UST: variants seen among roughly 807,000 people sequenced by gnomAD.
The protein encoded by UST is uronyl 2-sulfotransferase.
UST carries 21 observed loss-of-function variants against 45.6 expected under a neutral mutation model. The ratio of observed to expected loss-of-function variants is 0.46; its 90% CI spans 0.33 to 0.66. UST has a LOEUF of 0.66. Among genes scored for constraint, UST ranks in the 30% least tolerant of loss-of-function variants. The pLI is 0.02. For missense variants in UST, 463 were observed against 512.4 expected (o/e 0.90, Z 0.93); for synonymous variants, 215 against 200.6 (o/e 1.07, Z -0.61).
At chr6:148,802,566 C>T (rs1777073709) in intron 1 of UST, among the ~76,000 whole-genome samples, 1 of 152,176 alleles carries the variant, frequency 6.6e-6, no homozygotes. Context: ...ACATTGATTT[C>T]ATTTTCTCTC....
chr6:148,780,172 G>T (rs1776617314), intron 1 of UST, among the ~76,000 whole-genome samples: 2 of 151,558 alleles, frequency 1.3e-5, no homozygotes, highest in South Asian at 2.1e-4. Context: ...TTGTTTTATT[G>T]TGGTTCACTG....
intron 1 of UST, among the ~76,000 whole-genome samples, chr6:148,777,495 T>C (rs1390106846): frequency 6.6e-6 from 1 of 152,222 alleles, no homozygotes; most frequent in African/African-American, 2.4e-5. Context: ...CTTATTCTGA[T>C]GGTGGTCTCA....
chr6:148,909,008 A>G (rs1354533944), intron 2 of UST, among the ~76,000 whole-genome samples: 1 of 152,222 alleles, frequency 6.6e-6, no homozygotes, highest in African/African-American at 2.4e-5. Context: ...TTGTATGACC[A>G]TTGAATGCTT....
intron 1 of UST, among the ~76,000 whole-genome samples, chr6:148,832,631 T>C (rs771007963): frequency 1.4e-4 from 21 of 152,202 alleles, no homozygotes; most frequent in Non-Finnish European, 2.2e-4. Flanking sequence ...GATTTAGTTG[T>C]TTGGAGGAGC....
chr6:149,073,682 T>G (rs1341660899), intron 7 of UST, 151 bp from the exon 8 acceptor site: 2 of 875,994 alleles, frequency 2.3e-6, no homozygotes, highest in South Asian at 3.8e-5. Context: ...TTTCCAAATA[T>G]TGTCAGGAAC....
chr6:148,924,084 T>C (rs1779767500), intron 2 of UST, among the ~76,000 whole-genome samples: 1 of 152,172 alleles, frequency 6.6e-6, no homozygotes, highest in African/African-American at 2.4e-5. Context: ...TTATGTCTTA[T>C]CCTAAGGGAC....
intron 4 of UST, among the ~76,000 whole-genome samples, chr6:148,954,790 T>C (rs1780450440): frequency 2.6e-5 from 4 of 152,274 alleles, no homozygotes; most frequent in Admixed American, 2.6e-4. Flanking sequence ...TTCTGGTTTT[T>C]GTTTCCAGCA....
chr6:148,857,368 G>A (rs555380914), intron 1 of UST, among the ~76,000 whole-genome samples: 2 of 152,244 alleles, frequency 1.3e-5, no homozygotes, highest in Admixed American at 1.3e-4. Flanking sequence ...TTGAGTCATA[G>A]CCATCCTTTA....
In UST at chr6:148,901,681, C is replaced by G. The variant is rs144906845; in HGVS notation, c.291+14652C>G. On this transcript the variant is annotated intron_variant, in intron 2 of 7. Transcript: ENST00000367463. ...CAAATGATTCTCCTGCCTCAGCCTC[C>G]TGAGTAGCTGGGATTGCAGGCGCCT... Among the ~76,000 whole-genome samples, 1,340 of 152,146 alleles carry G rather than the reference C, an allele frequency of 8.8e-3. 27 individuals carry two copies. The highest frequency in any genetic ancestry group is 0.031 in the African/African-American group (1,275 of 41,498).
At chr6:148,862,919 C>T (rs554883434) in intron 1 of UST, among the ~76,000 whole-genome samples, 132 of 152,040 alleles carry the variant, frequency 8.7e-4, no homozygotes, top group African/African-American at 2.9e-3. Context: ...TTCTCTCTGG[C>T]GCCCTTAACA....
intron 5 of UST, among the ~76,000 whole-genome samples, chr6:148,985,199 A>G (rs1282340929): frequency 1.3e-5 from 2 of 152,228 alleles, no homozygotes; most frequent in Non-Finnish European, 1.5e-5. Context: ...AGTTATCAGT[A>G]TCCAAAGAGA....
intron 2 of UST, among the ~76,000 whole-genome samples, chr6:148,890,116 G>A (rs1186945217): frequency 2.0e-5 from 3 of 152,110 alleles, no homozygotes; most frequent in South Asian, 2.1e-4. Flanking sequence ...TCTGGGATTG[G>A]AGCAGCAAAA....
At chr6:148,855,129 C>T (rs1209466919) in intron 1 of UST, among the ~76,000 whole-genome samples, 3 of 152,128 alleles carry the variant, frequency 2.0e-5, no homozygotes, top group African/African-American at 4.8e-5. Context: ...GAGAAAGACC[C>T]GCCCCCATGA....
chr6:149,047,410 A>C (rs1303336216), intron 7 of UST, among the ~76,000 whole-genome samples: 1 of 152,248 alleles, frequency 6.6e-6, no homozygotes, highest in African/African-American at 2.4e-5. Flanking sequence ...TTAGAAATCC[A>C]ATAGAAGTAG....
intron 1 of UST, among the ~76,000 whole-genome samples, chr6:148,781,685 G>A (rs542510838): frequency 1.6e-3 from 249 of 152,240 alleles, no homozygotes; most frequent in African/African-American, 5.7e-3. Flanking sequence ...AGGAGAACCC[G>A]GTACCTGGCT....
intron 5 of UST, among the ~76,000 whole-genome samples, chr6:148,967,664 C>A (rs1314688600): frequency 6.6e-6 from 1 of 152,192 alleles, no homozygotes; most frequent in Non-Finnish European, 1.5e-5. Context: ...CCCCTCCTTG[C>A]CGGCCACCCC....
intron 7 of UST, among the ~76,000 whole-genome samples, chr6:149,023,065 T>G (rs1776000482): frequency 6.6e-6 from 1 of 151,680 alleles, no homozygotes; most frequent in Non-Finnish European, 1.5e-5. Context: ...AGGTTTATGT[T>G]AATCATTTTC....
At chr6:148,966,305 C>A (rs570532630) in intron 5 of UST, among the ~76,000 whole-genome samples, 1 of 151,948 alleles carries the variant, frequency 6.6e-6, no homozygotes, top group Non-Finnish European at 1.5e-5. Context: ...TTTGGTGAGA[C>A]GTGTATTCAG....
chr6:148,903,070 T>A (rs1172105841), intron 2 of UST, among the ~76,000 whole-genome samples: 3 of 152,170 alleles, frequency 2.0e-5, no homozygotes, highest in Non-Finnish European at 4.4e-5. Context: ...TACTGAAAAA[T>A]TACTGATATA....
Sources: allele counts gnomAD v4.1 joint callset (sites outside exome capture counted in the v4.1 genomes callset), GRCh38; gene constraint gnomAD v4.1.1; transcripts MANE v1.5; gene names NCBI Gene and HGNC (gene_info 2026-07-23, HGNC 2026-07-21).